Variants in VPS39 observed in about 807,000 individuals in gnomAD.
VPS39 encodes vam6/Vps39-like protein.
VPS39 carries 70 observed loss-of-function variants against 121.0 expected under a neutral mutation model. That is an observed-to-expected ratio of 0.58 (90% confidence interval 0.48 to 0.71). The LOEUF (loss-of-function observed/expected upper bound fraction) is 0.71, where lower values mean the gene tolerates loss of function less well. VPS39 is among the 30% of genes least tolerant of loss of function. The probability of loss-of-function intolerance (pLI) is 0.00; values close to 1 mark genes in which losing one functional copy is unlikely to be tolerated. For missense variants in VPS39, 818 were observed against 1,051.5 expected (o/e 0.78, Z 3.07); for synonymous variants, 378 against 398.1 (o/e 0.95, Z 0.60).
At chr15:42,164,579 T>C in intron 18 of VPS39, 93 bp from the exon 19 acceptor site, 1 of 1,528,676 alleles carries the variant, frequency 6.5e-7, no homozygotes, top group Non-Finnish European at 8.8e-7. Context: ...TTCAAGGATG[T>C]CACCACATGA....
In VPS39 at chr15:42,187,835, C is replaced by A. The variant is rs747743011; in HGVS notation, c.364G>T (p.Val122Leu). The A allele has an allele frequency of 1.2e-6, 2 of 1,614,088 alleles. No homozygotes were observed. The highest frequency in any genetic ancestry group is 2.7e-5 in the African/African-American group (2 of 74,940). The change falls in exon 6 of 25, where the codon GTG (valine) becomes TTG (leucine). Residue 122 changes from valine (V) to leucine (L), a missense_variant. Physicochemically the swap from Val to Leu is conservative, Grantham distance 32 (BLOSUM62 1). Transcript: ENST00000318006. ...TTTACTGCCACACACATCCGTAACACCTCCTCACCGGTCTCTGTGTGCTGG... is the reference window on the plus strand; with the variant it reads ...TTTACTGCCACACACATCCGTAACAACTCCTCACCGGTCTCTGTGTGCTGG... ...DLQHTETGEE[V>L]LRMCVAVKKK... is the part of the protein sequence containing the mutation.
intron 9 of VPS39, 42 bp from the exon 10 acceptor site, chr15:42,178,380 T>C: frequency 1.9e-6 from 3 of 1,613,954 alleles, no homozygotes; most frequent in Non-Finnish European, 2.5e-6. Flanking sequence ...ATCACAGGCT[T>C]TGTGATGACA....
At chr15:42,162,284 C>T (rs1325548290) in intron 22 of VPS39, 48 bp downstream of exon 22, 10 of 1,595,858 alleles carry the variant, frequency 6.3e-6, no homozygotes, top group East Asian at 2.2e-5. Context: ...TCTTCTCATT[C>T]GGTGCTCCCT....
chr15:42,200,042 A>G, intron 1 of VPS39, 81 bp from the exon 2 acceptor site: 2 of 1,318,028 alleles, frequency 1.5e-6, no homozygotes, highest in Non-Finnish European at 2.0e-6. Context: ...GTATAACCCT[A>G]TTTTTTTAGC....
intron 7 of VPS39, among the ~76,000 whole-genome samples, chr15:42,184,910 G>A (rs928890809): frequency 3.3e-5 from 5 of 152,368 alleles, no homozygotes; most frequent in African/African-American, 1.2e-4. Context: ...CCTGGCAACT[G>A]ACAATGCCAG....
Position 42,178,464 on chromosome 15 carries a change from G to GA in VPS39, c.824dup (p.Ile276HisfsTer39). ...AAATTCCTTACCCTCCTGAGGTAAT[G>GA]AAACGGGGCCTTTGCAATTCAATGC... is the stretch of plus-strand genomic sequence containing the variant. On this transcript the variant is annotated frameshift_variant, in exon 9 of 25. Coordinates refer to ENST00000318006, the MANE Select transcript of VPS39 (RefSeq NM_015289.5). LOFTEE classifies it high-confidence loss of function. 1 of 1,614,220 alleles carries GA rather than the reference G, an allele frequency of 6.2e-7. No individual in the cohort carries two copies. Among genetic ancestry groups the GA allele is most frequent in the Non-Finnish European group, 8.5e-7 (1 of 1,180,032 alleles).
chr15:42,187,187 G>T, intron 7 of VPS39, 84 bp downstream of exon 7: 1 of 1,027,124 alleles, frequency 9.7e-7, no homozygotes, highest in Non-Finnish European at 1.4e-6. Flanking sequence ...TCTACTTAAA[G>T]TGGTCGCTTG....
intron 2 of VPS39, among the ~76,000 whole-genome samples, chr15:42,197,275 T>G (rs2049961401): frequency 6.7e-6 from 1 of 148,526 alleles, no homozygotes; most frequent in South Asian, 2.1e-4. Context: ...TGTATACATA[T>G]GTAACAAACC....
intron 4 of VPS39, 146 bp downstream of exon 4, chr15:42,190,979 T>C (rs911451199): frequency 4.3e-5 from 35 of 820,196 alleles, no homozygotes; most frequent in Non-Finnish European, 6.9e-5. Context: ...TGCTGCTGCC[T>C]TTATTAACCA....
In VPS39 at chr15:42,161,703, C is replaced by T; in HGVS notation, c.2531G>A (p.Cys844Tyr). ...TCACCTGTTCCCAATCTTCTTCTTA[C>T]ACACCATGCACACCTTCTCCTCTGT... Reference protein sequence around the residue: ...IITEEKVCMVCKKKIGNSAFA... With the variant: ...IITEEKVCMVYKKKIGNSAFA... The change falls in exon 24 of 25, where the codon TGT (cysteine) becomes TAT (tyrosine). Residue 844 changes from cysteine to tyrosine, a missense_variant. Physicochemically the swap from Cys to Tyr is radical, Grantham distance 194. Coordinates refer to ENST00000318006, the MANE Select transcript of VPS39 (RefSeq NM_015289.5). 1 of 1,614,238 alleles carries T rather than the reference C, an allele frequency of 6.2e-7. No individual in the cohort carries two copies. The highest frequency in any genetic ancestry group is 8.5e-7 in the Non-Finnish European group (1 of 1,180,040).
At chr15:42,163,517 G>A (rs781067889) in intron 20 of VPS39, 109 bp downstream of exon 20, 123 of 1,528,634 alleles carry the variant, frequency 8.0e-5, no homozygotes, top group Middle Eastern at 1.7e-4. Context: ...GGACGGAGGC[G>A]ATTCTTGCTC....
chr15:42,201,013 A>G (rs2050056545), intron 1 of VPS39, among the ~76,000 whole-genome samples: 2 of 152,160 alleles, frequency 1.3e-5, no homozygotes, highest in South Asian at 4.1e-4. Flanking sequence ...AGGTAGAAAG[A>G]TTAGCGGTTG....
chr15:42,162,583 A>G, intron 21 of VPS39, 102 bp from the exon 22 acceptor site: 1 of 1,345,038 alleles, frequency 7.4e-7, no homozygotes, highest in East Asian at 2.5e-5. Flanking sequence ...CTACAGTAAC[A>G]GCTATCACTG....
chr15:42,191,647 C>T, intron 2 of VPS39, 87 bp from the exon 3 acceptor site: 2 of 1,137,016 alleles, frequency 1.8e-6, no homozygotes, highest in South Asian at 1.4e-5. Flanking sequence ...CCATACTGCT[C>T]TCCTATATAA....
chr15:42,203,797 T>C (rs1275908124), intron 1 of VPS39, among the ~76,000 whole-genome samples: 1 of 152,248 alleles, frequency 6.6e-6, no homozygotes, highest in Non-Finnish European at 1.5e-5. Context: ...GGTCCTCCAC[T>C]CTCTAGGACA....
chr15:42,164,003 T>C (rs1050844928), intron 19 of VPS39, among the ~76,000 whole-genome samples: 1 of 152,194 alleles, frequency 6.6e-6, no homozygotes, highest in Non-Finnish European at 1.5e-5. Context: ...ACCTACAACA[T>C]GCTAGGTGGT....
At chr15:42,202,471 A>ATGG (rs755150126) in intron 1 of VPS39, among the ~76,000 whole-genome samples, 13 of 152,238 alleles carry the variant, frequency 8.5e-5, no homozygotes, top group Non-Finnish European at 1.5e-4. Flanking sequence ...TATAGATATC[A>ATGG]TGATATCAAG....
intron 8 of VPS39, among the ~76,000 whole-genome samples, chr15:42,183,277 T>C (rs2049625628): frequency 6.6e-6 from 1 of 151,942 alleles, no homozygotes; most frequent in African/African-American, 2.4e-5. Flanking sequence ...TTTTTTTTTT[T>C]TCGTGTTTGA....
At chr15:42,172,055 A>G (rs943552631) in intron 11 of VPS39, among the ~76,000 whole-genome samples, 5 of 152,158 alleles carry the variant, frequency 3.3e-5, no homozygotes, top group Admixed American at 1.3e-4. Flanking sequence ...ACCAACATAT[A>G]TCATACATCC....
Sources: allele counts gnomAD v4.1 joint callset (sites outside exome capture counted in the v4.1 genomes callset), GRCh38; gene constraint gnomAD v4.1.1; transcripts MANE v1.5; gene names NCBI Gene and HGNC (gene_info 2026-07-23, HGNC 2026-07-21).